SAMMSON: variants seen among roughly 807,000 people sequenced by gnomAD.
SAMMSON encodes the protein survival associated mitochondrial melanoma specific oncogenic non-coding RNA.
intron 4 of SAMMSON, among the ~76,000 whole-genome samples, chr3:70,157,787 T>C (rs2067597592): frequency 6.6e-6 from 1 of 152,120 alleles, no homozygotes; most frequent in African/African-American, 2.4e-5. Flanking sequence ...CATAACGATC[T>C]TGCAAGGAAA....
intron 4 of SAMMSON, among the ~76,000 whole-genome samples, chr3:70,231,083 A>G (rs1359329768): frequency 6.6e-6 from 1 of 152,152 alleles, no homozygotes; most frequent in East Asian, 1.9e-4. Context: ...CTGACATAAC[A>G]GCTCTATTGT....
chr3:70,414,683 T>C (rs1177774968), intron 2 of SAMMSON, among the ~76,000 whole-genome samples: 1 of 152,174 alleles, frequency 6.6e-6, no homozygotes, highest in African/African-American at 2.4e-5. Flanking sequence ...CTTAGTTAGA[T>C]CACGTAATCT....
chr3:70,398,539 C>G (rs1701111432), intron 2 of SAMMSON, among the ~76,000 whole-genome samples: 1 of 152,166 alleles, frequency 6.6e-6, no homozygotes, highest in Non-Finnish European at 1.5e-5. Context: ...TGTTCTTTAA[C>G]TAAACTATGT....
intron 9 of SAMMSON, among the ~76,000 whole-genome samples, chr3:70,363,624 C>T (rs1035754771): frequency 6.6e-6 from 1 of 151,936 alleles, no homozygotes; most frequent in Non-Finnish European, 1.5e-5. Context: ...TTTGGGTGAA[C>T]ATGTTAAGGT....
intron 4 of SAMMSON, among the ~76,000 whole-genome samples, chr3:70,119,678 A>G (rs985268540): frequency 5.9e-5 from 9 of 152,136 alleles, no homozygotes; most frequent in Admixed American, 2.0e-4. Flanking sequence ...TTATATCAAG[A>G]AAAATGTTTA....
intron 4 of SAMMSON, among the ~76,000 whole-genome samples, chr3:70,081,348 C>G (rs573440298): frequency 6.6e-6 from 1 of 152,188 alleles, no homozygotes; most frequent in East Asian, 1.9e-4. Flanking sequence ...CTCCTGACCT[C>G]GTGATCAGCC....
chr3:70,411,562 A>G (rs889938892), intron 2 of SAMMSON, among the ~76,000 whole-genome samples: 5 of 152,152 alleles, frequency 3.3e-5, no homozygotes, highest in African/African-American at 1.2e-4. Context: ...CCCCACCCAA[A>G]TCTCATCTTG....
At position 70,344,260 on chromosome 3, in the gene SAMMSON, G is replaced by C. The variant is rs1702733165; in HGVS notation, n.740-9915G>C. ...AACCCCAAGCCCCCAGTTCCATAAGGAGACGAACAGAATAGCAGAAGAATG... is the reference window on the plus strand; with the variant it reads ...AACCCCAAGCCCCCAGTTCCATAAGCAGACGAACAGAATAGCAGAAGAATG... On this transcript the variant is annotated intron_variant and non_coding_transcript_variant, in intron 7 of 9. Coordinates refer to ENST00000642114, the Ensembl canonical transcript of SAMMSON. Among the ~76,000 whole-genome samples the C allele has an allele frequency of 2.0e-5, 3 of 152,098 alleles. No homozygotes were observed. The South Asian group carries it at 6.2e-4, about 32-fold the overall frequency.
chr3:70,140,319 G>A, intron 4 of SAMMSON: 1 of 220,950 alleles, frequency 4.5e-6, no homozygotes, highest in Non-Finnish European at 9.7e-6. Context: ...AACAGAAAGA[G>A]AGCAATGCAA....
intron 3 of SAMMSON, among the ~76,000 whole-genome samples, chr3:70,049,753 A>G (rs2067139538): frequency 6.6e-6 from 1 of 152,136 alleles, no homozygotes; most frequent in Non-Finnish European, 1.5e-5. Context: ...CTGTTGCTGA[A>G]TTATTAAGAA....
chr3:70,169,791 A>C (rs145865585), intron 4 of SAMMSON, among the ~76,000 whole-genome samples: 1 of 151,962 alleles, frequency 6.6e-6, no homozygotes, highest in East Asian at 1.9e-4. Context: ...ACTTAGAATG[A>C]ACTACATTTT....
At chr3:70,340,602 T>C (rs533592820) in intron 7 of SAMMSON, among the ~76,000 whole-genome samples, 1 of 152,220 alleles carries the variant, frequency 6.6e-6, no homozygotes, top group African/African-American at 2.4e-5. Flanking sequence ...GTGTTAGGTA[T>C]ATGGTGCTTA....
intron 4 of SAMMSON, among the ~76,000 whole-genome samples, chr3:70,161,837 G>T (rs1473749139): frequency 2.0e-5 from 3 of 151,198 alleles, no homozygotes; most frequent in African/African-American, 4.8e-5. Context: ...TTCTTTATTT[G>T]TTATTCAAAT....
At chr3:70,187,736 G>A (rs769210422) in intron 4 of SAMMSON, among the ~76,000 whole-genome samples, 1 of 151,940 alleles carries the variant, frequency 6.6e-6, no homozygotes, top group East Asian at 1.9e-4. Flanking sequence ...GCGCCCGGCC[G>A]GGACCAACTC....
chr3:70,299,518 A>G (rs1327176903), intron 7 of SAMMSON, among the ~76,000 whole-genome samples: 2 of 152,124 alleles, frequency 1.3e-5, no homozygotes, highest in Admixed American at 1.3e-4. Context: ...AATCTCTGTA[A>G]TCTCTGACAA....
At chr3:70,407,782 C>T (rs374514656) in intron 2 of SAMMSON, among the ~76,000 whole-genome samples, 13 of 152,304 alleles carry the variant, frequency 8.5e-5, no homozygotes, top group Admixed American at 6.5e-4. Flanking sequence ...GGATGGTGGC[C>T]GTCTTCTCAC....
chr3:70,211,229 T>G (rs1382124207), intron 4 of SAMMSON, among the ~76,000 whole-genome samples: 1 of 151,694 alleles, frequency 6.6e-6, no homozygotes, highest in Non-Finnish European at 1.5e-5. Flanking sequence ...TCCTTTCCTT[T>G]CCCTTTTTCC....
rs1323634245 is a variant in SAMMSON, at chr3:70,062,499, G to A, written n.418-8977G>A. On this transcript the variant is annotated intron_variant and non_coding_transcript_variant, in intron 3 of 9. Coordinates refer to ENST00000642114, the Ensembl canonical transcript of SAMMSON. ...GGTTTGCTCACTGTTCTATCCTCAG[G>A]CCCCAGAACAGTAGCAGGCACATAG... Among the ~76,000 whole-genome samples, 3 of 151,966 alleles carry A rather than the reference G, an allele frequency of 2.0e-5. No homozygotes were observed. In the East Asian group the frequency reaches 5.8e-4, roughly 29 times the overall value.
At chr3:70,383,684 C>T (rs1703093280) in intron 9 of SAMMSON, among the ~76,000 whole-genome samples, 1 of 152,004 alleles carries the variant, frequency 6.6e-6, no homozygotes, top group African/African-American at 2.4e-5. Flanking sequence ...ATTGGTGCCA[C>T]TGCAAAGCTA....
Sources: gnomAD v4.1 joint callset for allele counts (sites outside exome capture counted in the v4.1 genomes callset) on GRCh38, gnomAD v4.1.1 for gene constraint, MANE v1.5 for transcripts, NCBI Gene and HGNC (gene_info 2026-07-23, HGNC 2026-07-21) for gene names.